The following PTGER3 variants were observed in gnomAD, a reference collection of about 807,000 sequenced individuals.
The protein encoded by PTGER3 is prostaglandin E2 receptor EP3 subtype.
PTGER3 carries 22 observed loss-of-function variants against 34.7 expected under a neutral mutation model. The observed-to-expected ratio is 0.63, with a 90% CI of 0.45 to 0.91. PTGER3 has a LOEUF of 0.91. Ranked by LOEUF, PTGER3 falls within the 40% of genes least tolerant of loss-of-function variation. The probability of loss-of-function intolerance (pLI) is 0.00; values close to 1 mark genes in which losing one functional copy is unlikely to be tolerated. For synonymous variants in PTGER3, 241 were observed against 230.1 expected (o/e 1.05, Z -0.43); for missense variants, 468 against 519.4 (o/e 0.90, Z 0.96).
intron 1 of PTGER3, among the ~76,000 whole-genome samples, chr1:71,038,786 T>C (rs1464776326): frequency 6.6e-6 from 1 of 152,188 alleles, no homozygotes; most frequent in Non-Finnish European, 1.5e-5. Flanking sequence ...CACACTTTGG[T>C]CTGACTTAAG....
chr1:70,934,412 C>A (rs1461472024), intron 4 of PTGER3, among the ~76,000 whole-genome samples: 1 of 152,188 alleles, frequency 6.6e-6, no homozygotes, highest in Non-Finnish European at 1.5e-5. Flanking sequence ...GACTGGCTCC[C>A]TTTCAGGAAT....
intron 2 of PTGER3, among the ~76,000 whole-genome samples, chr1:70,965,131 G>A (rs1652375750): frequency 6.6e-6 from 1 of 152,144 alleles, no homozygotes; most frequent in South Asian, 2.1e-4. Flanking sequence ...GAGAGAGCAG[G>A]TAGGCATTGC....
intron 1 of PTGER3, among the ~76,000 whole-genome samples, chr1:71,017,444 G>A (rs1658005825): frequency 2.6e-5 from 4 of 152,124 alleles, no homozygotes; most frequent in Non-Finnish European, 5.9e-5. Flanking sequence ...CTAACCTACA[G>A]AACAGAGAAA....
intron 2 of PTGER3, among the ~76,000 whole-genome samples, chr1:70,976,116 TA>T (rs5775038): frequency 0.45 from 66,172 of 148,314 alleles, 14,972 homozygotes; most frequent in Non-Finnish European, 0.51. Flanking sequence ...AGCAGGAGAT[TA>T]AAAAAAAAAA....
At position 71,023,526 on chromosome 1, in the gene PTGER3, CT is replaced by C. The variant is rs1383032206; in HGVS notation, c.898-11043del. Among the ~76,000 whole-genome samples, 6 of 151,846 alleles carry C rather than the reference CT, an allele frequency of 4.0e-5. 1 individual carries two copies. The highest frequency in any genetic ancestry group is 1.2e-4 in the African/African-American group (5 of 41,158). ...CCCATTTATGTGCTATAGGCCATAC[CT>C]TTTCTCTGAGCTCCAAATGGATTAG... On this transcript the variant is annotated intron_variant, in intron 1 of 3. Coordinates refer to ENST00000306666, the MANE Select transcript of PTGER3 (RefSeq NM_198719.2).
chr1:70,926,051 A>G (rs1402094966), intron 4 of PTGER3, among the ~76,000 whole-genome samples: 1 of 152,184 alleles, frequency 6.6e-6, no homozygotes, highest in Non-Finnish European at 1.5e-5. Context: ...TAAAATGCTC[A>G]TATTTCTGTT....
chr1:70,943,840 G>A (rs952466203), intron 4 of PTGER3, among the ~76,000 whole-genome samples: 2 of 117,010 alleles, frequency 1.7e-5, no homozygotes, highest in Admixed American at 1.1e-4. Context: ...TGAAAAGGGA[G>A]AGAGAGGGAG....
intron 2 of PTGER3, among the ~76,000 whole-genome samples, chr1:70,963,857 TC>T (rs1188527396): frequency 1.3e-5 from 2 of 152,306 alleles, no homozygotes; most frequent in African/African-American, 4.8e-5. Flanking sequence ...GTTTTTCTTT[TC>T]TATTGCATGG....
intron 4 of PTGER3, among the ~76,000 whole-genome samples, chr1:70,933,478 A>G (rs141579674): frequency 2.0e-5 from 3 of 152,348 alleles, no homozygotes; most frequent in Admixed American, 1.3e-4. Context: ...GATATCATTT[A>G]ATATATTTCC....
chr1:71,028,036 T>G (rs954323497), intron 1 of PTGER3, among the ~76,000 whole-genome samples: 1 of 152,174 alleles, frequency 6.6e-6, no homozygotes, highest in African/African-American at 2.4e-5. Context: ...AATTAAACTG[T>G]GTAGGTATCA....
intron 2 of PTGER3, chr1:71,005,855 CATA>C: frequency 1.0e-6 from 1 of 956,784 alleles, no homozygotes; most frequent in Non-Finnish European, 1.2e-6. Context: ...CCATAGTAGT[CATA>C]ATGACTTTTA....
At chr1:70,961,421 T>C (rs546538313) in intron 2 of PTGER3, among the ~76,000 whole-genome samples, 60 of 152,320 alleles carry the variant, frequency 3.9e-4, no homozygotes, top group Non-Finnish European at 5.3e-4. Flanking sequence ...CCTGATCCCA[T>C]TGGCTGACCA....
At chr1:70,942,427 C>T (rs1428964112) in intron 4 of PTGER3, among the ~76,000 whole-genome samples, 1 of 152,152 alleles carries the variant, frequency 6.6e-6, no homozygotes. Context: ...ATTACCTTTC[C>T]AACTTCATGT....
chr1:70,860,807 A>G (rs571866401), intron 4 of PTGER3, among the ~76,000 whole-genome samples: 9 of 152,308 alleles, frequency 5.9e-5, no homozygotes, highest in African/African-American at 2.2e-4. Flanking sequence ...GTGACACAGA[A>G]GAGGCAAAGA....
intron 1 of PTGER3, among the ~76,000 whole-genome samples, chr1:71,039,517 G>T (rs888355291): frequency 6.6e-6 from 1 of 151,686 alleles, no homozygotes; most frequent in Non-Finnish European, 1.5e-5. Context: ...GGGTGTGGTG[G>T]TGGGCGCCTG....
At chr1:70,960,388 T>A (rs1275764495) in intron 2 of PTGER3, among the ~76,000 whole-genome samples, 2 of 152,152 alleles carry the variant, frequency 1.3e-5, no homozygotes, top group Non-Finnish European at 2.9e-5. Flanking sequence ...GATGCCAGAA[T>A]CTATCCTTCA....
At chr1:70,951,796 A>G (rs1301983941), downstream of PTGER3, among the ~76,000 whole-genome samples, 13 of 152,324 alleles carry the variant, frequency 8.5e-5, no homozygotes. Context: ...TGGGAAACTC[A>G]TATTCTAATA....
chr1:70,883,068 C>A (rs895570671), intron 4 of PTGER3, among the ~76,000 whole-genome samples: 4 of 152,134 alleles, frequency 2.6e-5, no homozygotes, highest in Non-Finnish European at 5.9e-5. Flanking sequence ...CTTACAGCAA[C>A]CCTAAAAGTT....
intron 1 of PTGER3, among the ~76,000 whole-genome samples, chr1:71,035,080 C>T (rs1175267363): frequency 1.3e-5 from 2 of 152,142 alleles, no homozygotes; most frequent in African/African-American, 2.4e-5. Context: ...GGGTGTTCAA[C>T]AAAGTGTAAA....
Sources: gnomAD v4.1 joint callset for allele counts (sites outside exome capture counted in the v4.1 genomes callset) on GRCh38, gnomAD v4.1.1 for gene constraint, MANE v1.5 for transcripts, NCBI Gene and HGNC (gene_info 2026-07-23, HGNC 2026-07-21) for gene names.